HLA-DPA1: variants seen among roughly 807,000 people sequenced by gnomAD.
The protein encoded by HLA-DPA1 is HLA class II histocompatibility antigen, DP alpha 1 chain.
HLA-DPA1 carries 20 observed loss-of-function variants against 21.5 expected under a neutral mutation model. The observed-to-expected ratio is 0.93, with a 90% CI of 0.66 to 1.35. HLA-DPA1 has a LOEUF of 1.35. HLA-DPA1 is among the 40% of genes most tolerant of loss of function. The pLI is 0.00. For synonymous variants in HLA-DPA1, 123 were observed against 129.6 expected (o/e 0.95, Z 0.35); for missense variants, 279 against 323.0 (o/e 0.86, Z 1.05).
chr6:33,076,031 T>C (rs1416647005), intron 1 of HLA-DPA1: 1 of 1,607,516 alleles, frequency 6.2e-7, no homozygotes. Context: ...TTGCCATCCT[T>C]TTCCAGCTCC....
chr6:33,068,963 C>G, intron 4 of HLA-DPA1, 56 bp downstream of exon 3: 1 of 1,587,168 alleles, frequency 6.3e-7, no homozygotes, highest in Non-Finnish European at 8.6e-7. Context: ...CAGAGGACAC[C>G]AGGTCTTTGG....
intron 5 of HLA-DPA1, chr6:33,068,356 G>A (rs72870112): frequency 0.24 from 74,878 of 314,272 alleles, 12,906 homozygotes; most frequent in East Asian, 0.61. Context: ...AGTGCTTAAA[G>A]TCTCTGTGTA....
chr6:33,075,880 G>A lies in HLA-DPA1; in HGVS notation c.-99-2211C>T, dbSNP rs1405597101. 3 of 607,680 alleles carry A rather than the reference G, an allele frequency of 4.9e-6. No individual in the cohort carries two copies. In the African/African-American group the frequency reaches 5.6e-5, roughly 11 times the overall value. The allele number at this position is 607,680 out of a possible 1,614,324, so 37.6% of individuals were successfully genotyped here. On this transcript the variant is annotated intron_variant, in intron 1 of 5. Transcript: ENST00000419277. ...CCTAGTGAGCAATGACTCATACAAA[G>A]CTCAGTGTCCATTGGTTCTTTTCTC... is the stretch of plus-strand genomic sequence containing the variant.
At chr6:33,071,047 G>C (rs1762252473) in intron 2 of HLA-DPA1, among the ~76,000 whole-genome samples, 1 of 150,950 alleles carries the variant, frequency 6.6e-6, no homozygotes, top group Non-Finnish European at 1.5e-5. Flanking sequence ...GAGTGAGAAG[G>C]AACTACGGGA....
chr6:33,078,931 C>T (rs1583112276), intron 1 of HLA-DPA1, among the ~76,000 whole-genome samples: 3 of 152,292 alleles, frequency 2.0e-5, no homozygotes, highest in African/African-American at 7.2e-5. Flanking sequence ...GGAATCTGGA[C>T]TCAAGGAGCT....
chr6:33,069,690 G>A (rs141823446), exon 3 of HLA-DPA1: 14 of 1,612,700 alleles, frequency 8.7e-6, no homozygotes, highest in Non-Finnish European at 1.2e-5. Flanking sequence ...TATTCAAGTT[G>A]TTGTTCAATA....
At chr6:33,070,713 A>G (rs116103898) in intron 2 of HLA-DPA1, among the ~76,000 whole-genome samples, 7,957 of 152,258 alleles carry the variant, frequency 0.052, 251 homozygotes, top group South Asian at 0.16. Context: ...ATATTTCAAC[A>G]TTTATTTTAT....
At chr6:33,078,691 T>C (rs1762681080) in intron 1 of HLA-DPA1, among the ~76,000 whole-genome samples, 1 of 152,186 alleles carries the variant, frequency 6.6e-6, no homozygotes, top group African/African-American at 2.4e-5. Flanking sequence ...ACTTGGCAGG[T>C]AAAATTCCAT....
rs41540313 is a variant in HLA-DPA1, at chr6:33,080,693, G to C, written c.-113C>G. ...GCAGAGAATTACCTTTTCCAGGGAC[G>C]GCAGGAATGCTACGCGTTTAATGGG... On this transcript the variant is annotated 5_prime_UTR_variant, in exon 1 of 6. Transcript: ENST00000419277. The surrounding 1 kb of genome is among the most constrained non-coding windows in gnomAD (Gnocchi z 4.3). The C allele has an allele frequency of 5.6e-6, 9 of 1,612,824 alleles. No individual in the cohort carries two copies. The highest frequency in any genetic ancestry group is 3.3e-5 in the Admixed American group (2 of 59,984).
chr6:33,076,138 C>T (rs1393414427), intron 1 of HLA-DPA1: 1 of 1,602,246 alleles, frequency 6.2e-7, no homozygotes, highest in Non-Finnish European at 8.5e-7. Context: ...CAGGGCCACT[C>T]CAGGTAAGAG....
At chr6:33,073,333 AT>A in intron 2 of HLA-DPA1, 137 bp downstream of exon 1, 1 of 623,576 alleles carries the variant, frequency 1.6e-6, no homozygotes, top group Non-Finnish European at 2.9e-6. Flanking sequence ...TGTTATTATT[AT>A]GAGGGCCAGA....
chr6:33,068,647 A>C, exon 5 of HLA-DPA1: 1 of 1,611,022 alleles, frequency 6.2e-7, no homozygotes, highest in African/African-American at 1.3e-5. Context: ...CCTTTACAGT[A>C]TTTCACAGGG....
chr6:33,072,592 C>A (rs1425901870), intron 2 of HLA-DPA1, among the ~76,000 whole-genome samples: 1 of 152,212 alleles, frequency 6.6e-6, no homozygotes, highest in East Asian at 1.9e-4. Flanking sequence ...AGCCTGACCT[C>A]CTCTTTATTC....
At position 33,067,070 on chromosome 6, in the gene HLA-DPA1, A is replaced by G. The variant is rs547748277; in HGVS notation, c.*12+1568T>C. 1.8e-4 allele frequency: 27 copies of G among 152,336 alleles called. No homozygotes were observed. In the South Asian group the frequency reaches 5.4e-3, roughly 30 times the overall value. 9.4% of individuals were successfully genotyped at this position (152,336 alleles called of 1,614,324 possible). On this transcript the variant is annotated intron_variant, in intron 5 of 5. Coordinates refer to ENST00000419277, the Ensembl canonical transcript of HLA-DPA1. ...TGCAACCCCTTTCTAGGATACATACATTCCAGGGATGCAGGTCAGGCCCAC... is the reference window on the plus strand; with the variant it reads ...TGCAACCCCTTTCTAGGATACATACGTTCCAGGGATGCAGGTCAGGCCCAC...
chr6:33,073,594 C>T, exon 2 of HLA-DPA1: 1 of 1,552,848 alleles, frequency 6.4e-7, no homozygotes, highest in Non-Finnish European at 8.9e-7. Context: ...TAATTGATGA[C>T]TGTGAGCACA....
chr6:33,069,575 G>A, intron 3 of HLA-DPA1, 66 bp downstream of exon 2: 1 of 1,582,594 alleles, frequency 6.3e-7, no homozygotes, highest in Non-Finnish European at 8.6e-7. Context: ...TAGTCTGAGG[G>A]TGGCAGAGAG....
chr6:33,079,647 AC>A, intron 1 of HLA-DPA1: 1 of 470,754 alleles, frequency 2.1e-6, no homozygotes, highest in Non-Finnish European at 4.2e-6. Flanking sequence ...AACAACAACA[AC>A]AAAAAAAACA....
At chr6:33,078,399 T>A (rs1483323813) in intron 1 of HLA-DPA1, among the ~76,000 whole-genome samples, 1 of 151,804 alleles carries the variant, frequency 6.6e-6, no homozygotes, top group Non-Finnish European at 1.5e-5. Context: ...TCCACACACA[T>A]CCCCAACCTC....
At chr6:33,064,898 T>G (rs1761882130) in exon 6 of HLA-DPA1, 2 of 152,188 alleles carry the variant, frequency 1.3e-5, no homozygotes, top group Non-Finnish European at 2.9e-5. Flanking sequence ...TCAAGTGGGA[T>G]CAGAACCTTT....
Sources: allele counts gnomAD v4.1 joint callset (sites outside exome capture counted in the v4.1 genomes callset), GRCh38; gene constraint gnomAD v4.1.1; non-coding constraint Gnocchi (gnomAD v3.1); transcripts MANE v1.5; gene names NCBI Gene and HGNC (gene_info 2026-07-23, HGNC 2026-07-21).